MYO1H: variants seen among roughly 807,000 people sequenced by gnomAD.
The protein encoded by MYO1H is myosin IH, also known as unconventional myosin-Ih.
In MYO1H, 118 loss-of-function variants were observed where a neutral mutation model predicts 149.3. The observed-to-expected ratio is 0.79, with a 90% CI of 0.68 to 0.92. The LOEUF (loss-of-function observed/expected upper bound fraction) is 0.92. Ranked by LOEUF, MYO1H falls within the 40% of genes least tolerant of loss-of-function variation. The probability of loss-of-function intolerance (pLI) is 0.00; values close to 1 mark genes in which losing one functional copy is unlikely to be tolerated. For synonymous variants in MYO1H, 447 were observed against 465.2 expected (o/e 0.96, Z 0.50); for missense variants, 1,212 against 1,280.7 (o/e 0.95, Z 0.82).
chr12:109,420,989 G>GA lies in MYO1H; in HGVS notation c.1613dup (p.Asn538LysfsTer3), dbSNP rs750113937. 14 of 1,578,448 alleles carry GA rather than the reference G, an allele frequency of 8.9e-6. No individual in the cohort carries two copies. The Admixed American group carries it at 1.0e-4, about 12-fold the overall frequency. On this transcript the variant is annotated frameshift_variant, in exon 16 of 32. Coordinates refer to ENST00000310903, the Ensembl canonical transcript of MYO1H. LOFTEE classifies it high-confidence loss of function. The stretch of plus-strand genomic sequence containing the variant: ...TCTTCAATGTTTTACAGGATTCTTG[G>GA]AAAAAAACAATGATCTTCTTTACAG...
At chr12:109,398,448 A>G (rs1243094881) in intron 5 of MYO1H, among the ~76,000 whole-genome samples, 13 of 152,158 alleles carry the variant, frequency 8.5e-5, no homozygotes, top group African/African-American at 3.1e-4. Context: ...CATTAAGCTT[A>G]AAAACAAATC....
At position 109,409,571 on chromosome 12, in the gene MYO1H, A is replaced by G. The variant is rs1248189153; in HGVS notation, c.1170A>G (p.Lys390=). 3.1e-6 allele frequency: 5 copies of G among 1,613,728 alleles called. No individual in the cohort carries two copies. The African/African-American group carries it at 5.3e-5, about 17-fold the overall frequency. Reference sequence around the variant, plus strand: ...ATTTTGACCAGGATTTCACCAGGAAAACTGTAATTGGATTACTGGACATCT... The same window carrying G: ...ATTTTGACCAGGATTTCACCAGGAAGACTGTAATTGGATTACTGGACATCT... The change falls in exon 11 of 32, where the codon AAA becomes AAG. Residue 390 remains lysine, a synonymous_variant. Transcript: ENST00000310903.
At chr12:109,436,988 C>T (rs1001036610) in intron 22 of MYO1H, among the ~76,000 whole-genome samples, 38 of 152,024 alleles carry the variant, frequency 2.5e-4, no homozygotes, top group Admixed American at 2.4e-3. Flanking sequence ...GCCTGTAGTC[C>T]CAGCTACTTG....
intron 5 of MYO1H, 73 bp from the exon 6 acceptor site, chr12:109,401,020 G>A (rs991381045): frequency 1.1e-5 from 15 of 1,326,130 alleles, no homozygotes; most frequent in African/African-American, 2.9e-5. Flanking sequence ...TTAGAACTTC[G>A]GGCCATCAGG....
At chr12:109,329,024 C>CT in the MYO1H span, among the ~76,000 whole-genome samples, 1 of 132,270 alleles carries the variant, frequency 7.6e-6, no homozygotes, top group Non-Finnish European at 1.6e-5. Context: ...AATCAGTTTT[C>CT]TTTTTTTTCT....
intron 1 of MYO1H, among the ~76,000 whole-genome samples, 159 bp from the exon 2 acceptor site, chr12:109,388,524 G>A (rs1566023494): frequency 6.6e-6 from 1 of 152,154 alleles, no homozygotes; most frequent in African/African-American, 2.4e-5. Context: ...TTATGATCTT[G>A]TATCCCCAAC....
chr12:109,393,224 T>G, intron 2 of MYO1H, 107 bp from the exon 3 acceptor site: 4 of 714,130 alleles, frequency 5.6e-6, no homozygotes, highest in East Asian at 2.7e-5. Context: ...CCCCGCCTGA[T>G]TTATCATTTT....
chr12:109,379,696 A>G (rs1869160644), intron 1 of MYO1H, among the ~76,000 whole-genome samples: 1 of 148,664 alleles, frequency 6.7e-6, no homozygotes, highest in Non-Finnish European at 1.5e-5. Context: ...AATTGCTTAT[A>G]TTTAAAAAAG....
In MYO1H at chr12:109,371,889, C is replaced by T. The variant is rs550715327; in HGVS notation, c.13-16794C>T. Among the ~76,000 whole-genome samples, 11 of 152,230 alleles carry T rather than the reference C, an allele frequency of 7.2e-5. 1 individual carries two copies. Among genetic ancestry groups the T allele is most frequent in the Admixed American group, 3.9e-4 (6 of 15,286 alleles). ...ATCGTATCTCAGTATATTTGAATAG[C>T]ATTTTTCTTTTGAGTGAAATGGAGT... On this transcript the variant is annotated intron_variant, in intron 1 of 31. Transcript: ENST00000310903.
chr12:109,444,569 T>C (rs369182293), intron 30 of MYO1H, 40 bp downstream of exon 30: 20 of 1,506,348 alleles, frequency 1.3e-5, no homozygotes, highest in Non-Finnish European at 1.8e-5. Flanking sequence ...TAATTCAATG[T>C]TAAAATGTTT....
At chr12:109,389,360 G>C (rs538445012) in intron 2 of MYO1H, among the ~76,000 whole-genome samples, 1 of 152,256 alleles carries the variant, frequency 6.6e-6, no homozygotes, top group African/African-American at 2.4e-5. Context: ...CCCATGGCTA[G>C]AAATGAAGAC....
intron 15 of MYO1H, among the ~76,000 whole-genome samples, 163 bp from the exon 16 acceptor site, chr12:109,420,818 A>G (rs1216379128): frequency 2.0e-5 from 3 of 152,172 alleles, no homozygotes; most frequent in Non-Finnish European, 4.4e-5. Context: ...CCCCCACCAC[A>G]AAGAACGACC....
chr12:109,329,705 A>AT, the MYO1H span, among the ~76,000 whole-genome samples: 3 of 152,190 alleles, frequency 2.0e-5, no homozygotes, highest in Non-Finnish European at 4.4e-5. Context: ...ACTAATAATA[A>AT]TTAACCACCT....
At chr12:109,407,163 A>G (rs535426102) in intron 9 of MYO1H, among the ~76,000 whole-genome samples, 1 of 151,576 alleles carries the variant, frequency 6.6e-6, no homozygotes, top group Non-Finnish European at 1.5e-5. Context: ...ACTCCTCTTC[A>G]TCCTTCATTT....
intron 1 of MYO1H, among the ~76,000 whole-genome samples, chr12:109,364,602 G>T (rs1040951349): frequency 2.6e-5 from 4 of 152,086 alleles, no homozygotes; most frequent in Non-Finnish European, 2.9e-5. Context: ...TTTTTAAAAG[G>T]CAGAAAATAT....
At chr12:109,403,227 G>A (rs1394096300) in intron 6 of MYO1H, among the ~76,000 whole-genome samples, 1 of 152,136 alleles carries the variant, frequency 6.6e-6, no homozygotes. Flanking sequence ...TGTGCACAAC[G>A]TGCAGGTTAG....
the MYO1H span, among the ~76,000 whole-genome samples, chr12:109,331,149 C>T: frequency 1.3e-5 from 2 of 152,130 alleles, no homozygotes; most frequent in Admixed American, 6.5e-5. Flanking sequence ...GTTTTTTCAT[C>T]ATTATCCTGA....
chr12:109,414,013 A>G (rs557475742), intron 14 of MYO1H, among the ~76,000 whole-genome samples: 1 of 152,286 alleles, frequency 6.6e-6, no homozygotes, highest in African/African-American at 2.4e-5. Flanking sequence ...TTGCGACTAG[A>G]AAGGGCTCAA....
chr12:109,435,594 C>T (rs994400319), intron 21 of MYO1H, among the ~76,000 whole-genome samples: 2 of 152,202 alleles, frequency 1.3e-5, no homozygotes, highest in African/African-American at 4.8e-5. Context: ...ACCGGTCTGT[C>T]AAGAACTACG....
Sources: gnomAD v4.1 joint callset for allele counts (sites outside exome capture counted in the v4.1 genomes callset) on GRCh38, gnomAD v4.1.1 for gene constraint, MANE v1.5 for transcripts, NCBI Gene and HGNC (gene_info 2026-07-23, HGNC 2026-07-21) for gene names.